The following USP6NL variants were observed in gnomAD, a reference collection of about 807,000 sequenced individuals.
USP6NL encodes the protein USP6 N-terminal-like protein.
A neutral mutation model predicts 61.9 loss-of-function variants in USP6NL; 26 were observed. That is an observed-to-expected ratio of 0.42 (90% CI 0.31 to 0.58). The LOEUF is 0.58. Ranked by LOEUF, USP6NL falls within the 20% of genes least tolerant of loss-of-function variation. USP6NL has a pLI of 0.16. For synonymous variants in USP6NL, 432 were observed against 390.1 expected (o/e 1.11, Z -1.27); for missense variants, 1,114 against 1,034.3 (o/e 1.08, Z -1.06).
intron 2 of USP6NL, among the ~76,000 whole-genome samples, chr10:11,583,838 G>C (rs762886759): frequency 6.6e-6 from 1 of 152,128 alleles, no homozygotes; most frequent in African/African-American, 2.4e-5. Context: ...GACCAGCCTG[G>C]CCAACGTGGC....
At chr10:11,516,059 A>G (rs924793524) in intron 5 of USP6NL, among the ~76,000 whole-genome samples, 2 of 152,234 alleles carry the variant, frequency 1.3e-5, no homozygotes, top group Non-Finnish European at 2.9e-5. Context: ...ATAAACTCAA[A>G]GAAACAATAT....
rs188016972 is a variant in USP6NL, at chr10:11,513,989, T to C, written c.196-4314A>G. Among the ~76,000 whole-genome samples the C allele has an allele frequency of 5.6e-4, 86 of 152,338 alleles. No homozygotes were observed. The highest frequency in any genetic ancestry group is 2.0e-3 in the African/African-American group (85 of 41,578). On this transcript the variant is annotated intron_variant, in intron 5 of 14. Transcript: ENST00000609104. This position sits in a 1 kb window ranked among gnomAD's most constrained non-coding sequence, Gnocchi z 4.7. ...TTTCAGCAGGATTATCACCCCATTA[T>C]GTTGTCTTTCCCAGCACATCACATC...
intron 10 of USP6NL, among the ~76,000 whole-genome samples, chr10:11,488,608 C>G (rs181005320): frequency 6.6e-6 from 1 of 152,142 alleles, no homozygotes; most frequent in South Asian, 2.1e-4. Context: ...ACAAAAACTA[C>G]ACTTGAAATA....
Position 11,489,127 on chromosome 10 carries a change from G to T in USP6NL, c.639C>A (p.Phe213Leu), listed in dbSNP as rs1177414627. Residue 213 changes from phenylalanine to leucine, a missense_variant, in exon 10 of 15, where the codon TTC becomes TTA. Transcript: ENST00000609104. This position sits in a 1 kb window ranked among gnomAD's most constrained non-coding sequence, Gnocchi z 5.7. ...CATGCATGGCATGTTTAGGGCCTGA[G>T]AAGAGTTTGACCAGGGCCCAGAAGG... ...EDAFWALVKL[F>L]SGPKHAMHGF... is the part of the protein sequence containing the mutation. 5 of 1,613,828 alleles carry T rather than the reference G, an allele frequency of 3.1e-6. No individual in the cohort carries two copies. The highest frequency in any genetic ancestry group is 1.3e-5 in the African/African-American group (1 of 74,928).
At chr10:11,604,269 T>C (rs1838642132) in intron 1 of USP6NL, among the ~76,000 whole-genome samples, 1 of 152,244 alleles carries the variant, frequency 6.6e-6, no homozygotes, top group Non-Finnish European at 1.5e-5. Context: ...TATGATTTAT[T>C]ATCTTAAAAC....
In USP6NL at chr10:11,598,446, C is replaced by T. The variant is rs1309991525; in HGVS notation, c.-83-729G>A. ...GTATTAATACAAACTTAACCCTTTG[C>T]TAAGATTTACTTTATAAATCTTCCT... On this transcript the variant is annotated intron_variant, in intron 1 of 14. Coordinates refer to ENST00000609104, the MANE Select transcript of USP6NL (RefSeq NM_014688.5). This position sits in a 1 kb window ranked among gnomAD's most constrained non-coding sequence, Gnocchi z 4.7. 6.6e-6 allele frequency among the ~76,000 whole-genome samples: 1 copy of T among 152,098 alleles called. No homozygotes were observed. Among genetic ancestry groups the T allele is most frequent in the African/African-American group, 2.4e-5 (1 of 41,430 alleles).
In USP6NL at chr10:11,525,245, T is replaced by G. The variant is rs1002347243; in HGVS notation, c.155+141A>C. 4 of 593,238 alleles carry G rather than the reference T, an allele frequency of 6.7e-6. No individual in the cohort carries two copies. In the African/African-American group the frequency reaches 7.9e-5, roughly 12 times the overall value. 36.7% of individuals were successfully genotyped at this position (593,238 alleles called of 1,614,324 possible). A position where few individuals can be genotyped will look rare whatever the true frequency, so the allele number is the denominator to read the frequency against. On this transcript the variant is annotated intron_variant, in intron 4 of 14. Transcript: ENST00000609104. The surrounding 1 kb of genome is among the most constrained non-coding windows in gnomAD (Gnocchi z 5.0). ...AATCACAGAGTTGTTAAAAGAAACC[T>G]AGGAATTTAGTATCAAAACGCATAT...
In USP6NL at chr10:11,463,180, G is replaced by A. The variant is rs1049573015; in HGVS notation, c.1748C>T (p.Pro583Leu). 8 of 1,613,716 alleles carry A rather than the reference G, an allele frequency of 5.0e-6. No individual in the cohort carries two copies. Among genetic ancestry groups the A allele is most frequent in the Non-Finnish European group, 6.8e-6 (8 of 1,179,884 alleles). ...YSQSPRHALY[P>L]PSPRKHAEPS... ...CTCAGCGTGCTTTCTCGGGCTAGGA[G>A]GGTAAAGGGCATGCCGGGGGCTCTG... The change falls in exon 15 of 15, where the codon CCT becomes CTT. Residue 583 changes from proline to leucine, a missense_variant. Transcript: ENST00000609104. The surrounding 1 kb of genome is among the most constrained non-coding windows in gnomAD (Gnocchi z 6.3).
At chr10:11,529,322 T>C (rs1426159727) in intron 2 of USP6NL, among the ~76,000 whole-genome samples, 1 of 152,212 alleles carries the variant, frequency 6.6e-6, no homozygotes, top group Non-Finnish European at 1.5e-5. Flanking sequence ...ATAATGAAGA[T>C]AAACATATAA....
chr10:11,555,433 A>AAAAAAAAAATAT (rs1275798295), intron 2 of USP6NL, among the ~76,000 whole-genome samples: 2 of 49,024 alleles, frequency 4.1e-5, no homozygotes, highest in African/African-American at 9.4e-5. Context: ...AAAAAAAAAA[A>AAAAAAAAAATAT]ATATATATAT....
rs533102205 is a variant in USP6NL at position 11,596,753 on chromosome 10, T to A, written c.4+878A>T. Among the ~76,000 whole-genome samples, 2 of 152,208 alleles carry A rather than the reference T, an allele frequency of 1.3e-5. No homozygotes were observed. The highest frequency in any genetic ancestry group is 2.9e-5 in the Non-Finnish European group (2 of 68,012). ...AAAAATCAAAGACCGTTCCTTACAA[T>A]ATTATTCTTAGTAGAAGCACTCCAA... On this transcript the variant is annotated intron_variant, in intron 2 of 14. Coordinates refer to ENST00000609104, the MANE Select transcript of USP6NL (RefSeq NM_014688.5). This position sits in a 1 kb window ranked among gnomAD's most constrained non-coding sequence, Gnocchi z 4.1.
chr10:11,606,823 ACT>A (rs1475217887), intron 1 of USP6NL, among the ~76,000 whole-genome samples: 2 of 148,152 alleles, frequency 1.3e-5, no homozygotes, highest in African/African-American at 2.5e-5. Context: ...ACGGAGTTTT[ACT>A]CTGTCGCCAG....
At chr10:11,488,974 C>T (rs1262494086) in intron 10 of USP6NL, 128 bp downstream of exon 10, 3 of 1,232,666 alleles carry the variant, frequency 2.4e-6, no homozygotes, top group African/African-American at 3.0e-5. Context: ...GTAACAAATA[C>T]TAATGAACTC....
rs184427596 is a variant in USP6NL, at chr10:11,547,517, A to C, written c.5-19950T>G. Among the ~76,000 whole-genome samples the C allele has an allele frequency of 3.3e-5, 5 of 151,818 alleles. No individual in the cohort carries two copies. The East Asian group carries it at 9.7e-4, about 29-fold the overall frequency. On this transcript the variant is annotated intron_variant, in intron 2 of 14. Coordinates refer to ENST00000609104, the MANE Select transcript of USP6NL (RefSeq NM_014688.5). The stretch of plus-strand genomic sequence containing the variant: ...AAAATTCTTGTGAAGATCACATTTA[A>C]TCAAGCTCATAAAGCATTTTAAAAC...
chr10:11,573,793 A>T (rs889775934), intron 2 of USP6NL: 1 of 396,104 alleles, frequency 2.5e-6, no homozygotes, highest in Non-Finnish European at 4.5e-6. Context: ...GTTCAACTTC[A>T]GAGAAATGAA....
At chr10:11,590,465 T>TAAGTA (rs1212263398) in intron 2 of USP6NL, among the ~76,000 whole-genome samples, 1 of 152,206 alleles carries the variant, frequency 6.6e-6, no homozygotes, top group African/African-American at 2.4e-5. Flanking sequence ...AACTGGATGT[T>TAAGTA]ACTTATGTGG....
intron 2 of USP6NL, among the ~76,000 whole-genome samples, chr10:11,547,508 T>A (rs958428125): frequency 3.3e-5 from 5 of 151,888 alleles, no homozygotes; most frequent in African/African-American, 4.8e-5. Context: ...CTTGTGAAGA[T>A]CACATTTAAT....
Position 11,485,187 on chromosome 10 carries a change from A to C in USP6NL, c.807T>G (p.Phe269Leu). 6.5e-7 allele frequency: 1 copy of C among 1,537,900 alleles called. No homozygotes were observed. Among genetic ancestry groups the C allele is most frequent in the Non-Finnish European group, 8.7e-7 (1 of 1,144,386 alleles). ...YTSFYTMKWF[F>L]QCFLDRTPFT... ...TACTTACACGATCAAGGAAACACTG[A>C]AAAAACCATTTCATTGTGTAAAAAC... The change falls in exon 12 of 15, where the codon TTT (phenylalanine) becomes TTG (leucine). Residue 269 changes from phenylalanine (F) to leucine (L), a missense_variant. Phe to Leu is a conservative substitution (Grantham distance 22, BLOSUM62 0). Transcript: ENST00000609104. This position sits in a 1 kb window ranked among gnomAD's most constrained non-coding sequence, Gnocchi z 4.8.
chr10:11,550,113 T>C (rs1167453885), intron 2 of USP6NL, among the ~76,000 whole-genome samples: 1 of 152,164 alleles, frequency 6.6e-6, no homozygotes, highest in East Asian at 1.9e-4. Flanking sequence ...GGCCTTTACC[T>C]CAACAGTATT....
Sources: allele counts gnomAD v4.1 joint callset (sites outside exome capture counted in the v4.1 genomes callset), GRCh38; gene constraint gnomAD v4.1.1; non-coding constraint Gnocchi (gnomAD v3.1); transcripts MANE v1.5; gene names NCBI Gene and HGNC (gene_info 2026-07-23, HGNC 2026-07-21).